Variants in CNBD1 observed in about 807,000 individuals in gnomAD.
CNBD1 encodes the protein cyclic nucleotide binding domain containing 1.
Under a neutral mutation model 54.4 loss-of-function variants are expected in CNBD1, and 71 were observed. The observed-to-expected ratio is 1.30, with a 90% CI of 1.08 to 1.59. The LOEUF (loss-of-function observed/expected upper bound fraction) is 1.59, where lower values mean the gene tolerates loss of function less well. Ranked by LOEUF, CNBD1 falls within the 40% of genes most tolerant of loss-of-function variation. The pLI is 0.00. For synonymous variants in CNBD1, 182 were observed against 170.7 expected (o/e 1.07, Z -0.51); for missense variants, 659 against 518.0 (o/e 1.27, Z -2.64).
intron 6 of CNBD1, among the ~76,000 whole-genome samples, chr8:87,271,256 G>T (rs953012335): frequency 6.6e-6 from 1 of 150,538 alleles, no homozygotes; most frequent in African/African-American, 2.4e-5. Context: ...TTTTTTTTCA[G>T]TCTCAATTTC....
chr8:86,890,787 A>G (rs183588739), intron 2 of CNBD1, among the ~76,000 whole-genome samples: 1 of 152,144 alleles, frequency 6.6e-6, no homozygotes, highest in Non-Finnish European at 1.5e-5. Context: ...ATTCTAACAG[A>G]TATGAGGTAA....
intron 3 of CNBD1, among the ~76,000 whole-genome samples, chr8:86,920,954 C>T (rs1809262595): frequency 6.6e-6 from 1 of 151,824 alleles, no homozygotes; most frequent in Non-Finnish European, 1.5e-5. Flanking sequence ...CCTATAAATT[C>T]TCTCTAAATG....
chr8:87,013,643 T>A (rs1333409529), intron 4 of CNBD1, among the ~76,000 whole-genome samples: 3 of 151,634 alleles, frequency 2.0e-5, no homozygotes, highest in African/African-American at 7.2e-5. Flanking sequence ...TTTTTTGTTT[T>A]TTTTTTGCAA....
At chr8:87,357,236 T>G (rs888129609) in intron 10 of CNBD1, among the ~76,000 whole-genome samples, 3 of 152,018 alleles carry the variant, frequency 2.0e-5, no homozygotes, top group African/African-American at 7.2e-5. Context: ...AAAGTCCCCA[T>G]TGGGGCACTG....
intron 3 of CNBD1, among the ~76,000 whole-genome samples, chr8:86,920,532 C>A (rs1472835407): frequency 6.6e-6 from 1 of 152,116 alleles, no homozygotes; most frequent in Non-Finnish European, 1.5e-5. Flanking sequence ...AGAATTTTGG[C>A]AATGTGCATA....
chr8:87,049,176 C>A (rs1268459978), intron 4 of CNBD1, among the ~76,000 whole-genome samples: 1 of 152,202 alleles, frequency 6.6e-6, no homozygotes, highest in Non-Finnish European at 1.5e-5. Flanking sequence ...GCTGCTTGAT[C>A]TGCTAGTCTA....
intron 4 of CNBD1, among the ~76,000 whole-genome samples, chr8:87,175,496 C>T (rs1372731931): frequency 1.3e-5 from 2 of 152,176 alleles, no homozygotes; most frequent in African/African-American, 4.8e-5. Flanking sequence ...CCCTTCGAGG[C>T]AAGAAGTTCC....
intron 6 of CNBD1, among the ~76,000 whole-genome samples, chr8:87,245,361 C>A (rs1807782007): frequency 6.6e-6 from 1 of 151,900 alleles, no homozygotes; most frequent in Non-Finnish European, 1.5e-5. Flanking sequence ...TTTACCAACG[C>A]TTTTTTAATA....
chr8:87,038,439 GA>G (rs1809995164), intron 4 of CNBD1, among the ~76,000 whole-genome samples: 1 of 152,108 alleles, frequency 6.6e-6, no homozygotes, highest in Non-Finnish European at 1.5e-5. Context: ...TGATGATGTG[GA>G]AAAATGGTCC....
intron 4 of CNBD1, among the ~76,000 whole-genome samples, chr8:87,082,473 T>C: frequency 6.6e-6 from 1 of 152,244 alleles, no homozygotes; most frequent in Non-Finnish European, 1.5e-5. Context: ...TCATGTAATG[T>C]CCTTCTTTAT....
intron 4 of CNBD1, among the ~76,000 whole-genome samples, chr8:86,954,733 T>C (rs183317967): frequency 3.3e-5 from 5 of 152,354 alleles, no homozygotes; most frequent in Admixed American, 3.3e-4. Context: ...AGTTACATAC[T>C]TAGATGCAGA....
At chr8:87,359,950 T>A (rs1294434655) in intron 10 of CNBD1, among the ~76,000 whole-genome samples, 1 of 152,086 alleles carries the variant, frequency 6.6e-6, no homozygotes, top group Non-Finnish European at 1.5e-5. Flanking sequence ...CTTCACTTTC[T>A]AATTTTTCAA....
chr8:87,176,066 A>G (rs1813190671), intron 4 of CNBD1, among the ~76,000 whole-genome samples: 1 of 152,202 alleles, frequency 6.6e-6, no homozygotes, highest in African/African-American at 2.4e-5. Flanking sequence ...CAGTGATGCC[A>G]CGTGACCGCT....
intron 3 of CNBD1, 79 bp downstream of exon 3, chr8:86,905,273 C>A: frequency 1.2e-6 from 1 of 809,790 alleles, no homozygotes; most frequent in South Asian, 1.7e-5. Context: ...GAACTCAAAA[C>A]TGAAAATATT....
chr8:87,342,563 T>C (rs111578712), intron 8 of CNBD1, among the ~76,000 whole-genome samples: 1 of 152,070 alleles, frequency 6.6e-6, no homozygotes, highest in South Asian at 2.1e-4. Flanking sequence ...TTCAACATAG[T>C]TTCTTTCTGT....
intron 3 of CNBD1, among the ~76,000 whole-genome samples, chr8:86,934,175 A>T (rs1364314588): frequency 6.6e-6 from 1 of 152,066 alleles, no homozygotes; most frequent in Non-Finnish European, 1.5e-5. Context: ...TGGCAAGCAA[A>T]GTAGGTCCCC....
intron 4 of CNBD1, among the ~76,000 whole-genome samples, chr8:87,064,818 G>A (rs1407356811): frequency 6.6e-6 from 1 of 151,824 alleles, no homozygotes; most frequent in Non-Finnish European, 1.5e-5. Context: ...TTTAAAATCT[G>A]TAATTTATCA....
intron 4 of CNBD1, among the ~76,000 whole-genome samples, chr8:86,997,935 C>T (rs560485930): frequency 5.3e-5 from 8 of 152,240 alleles, no homozygotes; most frequent in South Asian, 4.2e-4. Flanking sequence ...TTTAGTTTAA[C>T]GTTCCTTGTT....
intron 4 of CNBD1, among the ~76,000 whole-genome samples, chr8:86,968,420 T>TA (rs1392250462): frequency 6.6e-6 from 1 of 152,152 alleles, no homozygotes; most frequent in Non-Finnish European, 1.5e-5. Flanking sequence ...AAACACTGAA[T>TA]AAAAATGTAT....
Sources: gnomAD v4.1 joint callset for allele counts (sites outside exome capture counted in the v4.1 genomes callset) on GRCh38, gnomAD v4.1.1 for gene constraint, MANE v1.5 for transcripts, NCBI Gene and HGNC (gene_info 2026-07-23, HGNC 2026-07-21) for gene names.